Variants in TASOR observed in about 807,000 individuals in gnomAD.
TASOR encodes the protein protein TASOR.
Under a neutral mutation model 178.6 loss-of-function variants are expected in TASOR, and 53 were observed. The ratio of observed to expected loss-of-function variants is 0.30; its 90% CI spans 0.24 to 0.37. The LOEUF is 0.37. Among genes scored for constraint, TASOR ranks in the 10% least tolerant of loss-of-function variants. TASOR has a pLI of 1.00. For synonymous variants in TASOR, 713 were observed against 696.2 expected, an observed-to-expected ratio of 1.02 and a Z score of -0.38; for missense variants, 1,815 against 1,971.4, an observed-to-expected ratio of 0.92 and a Z score of 1.50.
chr3:56,644,724 T>A (rs773687165), intron 14 of TASOR, among the ~76,000 whole-genome samples: 1 of 151,892 alleles, frequency 6.6e-6, no homozygotes, highest in Non-Finnish European at 1.5e-5. Context: ...ACCAAAGAGA[T>A]AAAGAACACA....
At chr3:56,634,054 T>TTCTTTTAG in intron 17 of TASOR, 88 bp from the exon 18 acceptor site, 2 of 1,045,596 alleles carry the variant, frequency 1.9e-6, no homozygotes, top group Non-Finnish European at 2.7e-6. Context: ...AAAAAAGGGT[T>TTCTTTTAG]AACACACATT....
At chr3:56,669,977 T>A (rs1265339708) in intron 4 of TASOR, 96 bp downstream of exon 4, 5 of 941,404 alleles carry the variant, frequency 5.3e-6, no homozygotes, top group South Asian at 1.7e-5. Context: ...TAATAAAGCA[T>A]GAATTTAATA....
At position 56,633,112 on chromosome 3, in the gene TASOR, C is replaced by T. The variant is rs1307352328; in HGVS notation, c.3679G>A (p.Val1227Ile). 3 of 1,611,580 alleles carry T rather than the reference C, an allele frequency of 1.9e-6. No homozygotes were observed. The highest frequency in any genetic ancestry group is 2.5e-6 in the Non-Finnish European group (3 of 1,179,358). The change falls in exon 18 of 24, where the codon GTC (valine) becomes ATC (isoleucine). Residue 1227 changes from valine (V) to isoleucine (I), a missense_variant. This residue lies in a region of TASOR where 655 missense variants were observed against 671.1 expected (regional missense o/e 0.98). Transcript: ENST00000683822. ...FNSLVKIMKDVQKNTVKFYIH... is the reference protein window; with the variant it reads ...FNSLVKIMKDIQKNTVKFYIH... Reference sequence around the variant, plus strand: ...TAAAATTTCACAGTATTTTTCTGGACGTCTTTCATGATTTTAACCAAACTA... The same window carrying T: ...TAAAATTTCACAGTATTTTTCTGGATGTCTTTCATGATTTTAACCAAACTA...
At chr3:56,646,457 T>G in intron 14 of TASOR, 65 bp downstream of exon 14, 1 of 1,357,504 alleles carries the variant, frequency 7.4e-7, no homozygotes, top group Non-Finnish European at 1.0e-6. Flanking sequence ...TATACGCCCC[T>G]CTGCTACAAG....
intron 11 of TASOR, among the ~76,000 whole-genome samples, chr3:56,650,160 A>T (rs2077320535): frequency 6.6e-6 from 1 of 152,224 alleles, no homozygotes; most frequent in Non-Finnish European, 1.5e-5. Context: ...ATGGCAACTG[A>T]ACACAAAAGG....
chr3:56,631,154 T>C (rs1291465861), intron 18 of TASOR, among the ~76,000 whole-genome samples: 1 of 152,194 alleles, frequency 6.6e-6, no homozygotes, highest in African/African-American at 2.4e-5. Flanking sequence ...TTATTTCATT[T>C]TCCCAAGAAA....
At chr3:56,644,936 T>C (rs944177865) in intron 14 of TASOR, among the ~76,000 whole-genome samples, 3 of 152,224 alleles carry the variant, frequency 2.0e-5, no homozygotes, top group African/African-American at 4.8e-5. Flanking sequence ...TAAAAACATA[T>C]GGCTAGTGGC....
intron 14 of TASOR, among the ~76,000 whole-genome samples, chr3:56,643,002 G>A (rs1030168191): frequency 2.6e-5 from 4 of 151,566 alleles, no homozygotes; most frequent in Admixed American, 1.3e-4. Flanking sequence ...ATAGGCTCAC[G>A]CCTGTAATCT....
intron 23 of TASOR, among the ~76,000 whole-genome samples, chr3:56,624,150 A>C (rs2076747704): frequency 6.6e-6 from 1 of 152,154 alleles, no homozygotes. Flanking sequence ...CCTTTTTATT[A>C]ATATAACCCC....
chr3:56,637,705 T>G (rs11719726), intron 17 of TASOR, among the ~76,000 whole-genome samples: 28,097 of 151,898 alleles, frequency 0.18, 3,418 homozygotes, highest in South Asian at 0.4. Flanking sequence ...TACAAAGATG[T>G]AGTCATTTCA....
intron 16 of TASOR, among the ~76,000 whole-genome samples, chr3:56,639,599 C>T (rs116144253): frequency 0.018 from 2,710 of 152,242 alleles, 37 homozygotes; most frequent in South Asian, 0.057. Flanking sequence ...CAGCTTGTTA[C>T]GGTGAAGTTT....
rs375354208 is a variant in TASOR, at chr3:56,624,536, T to C, written c.4426A>G (p.Ile1476Val). 7.9e-5 allele frequency: 128 copies of C among 1,614,044 alleles called. No homozygotes were observed. The highest frequency in any genetic ancestry group is 1.1e-4 in the Non-Finnish European group (127 of 1,180,008). The change falls in exon 23 of 24, where the codon ATC becomes GTC. Residue 1476 changes from isoleucine (I) to valine (V), a missense_variant. Transcript: ENST00000683822. Reference protein sequence around the residue: ...FKNLVGYHNSITEENLPQLGA... With the variant: ...FKNLVGYHNSVTEENLPQLGA... ...AGCTGTGGAAGGTTTTCTTCTGTGA[T>C]TGAATTGTGATAGCCCACAAGATTT... is the stretch of plus-strand genomic sequence containing the variant.
At chr3:56,638,180 C>G (rs2077054008) in intron 17 of TASOR, among the ~76,000 whole-genome samples, 1 of 152,012 alleles carries the variant, frequency 6.6e-6, no homozygotes, top group Admixed American at 6.6e-5. Flanking sequence ...GCCTGGCAAA[C>G]ATGGTGAAAT....
Position 56,668,541 on chromosome 3 carries a change from T to C in TASOR, c.753A>G (p.Ile251Met). 1 of 1,546,060 alleles carries C rather than the reference T, an allele frequency of 6.5e-7. No individual in the cohort carries two copies. The highest frequency in any genetic ancestry group is 8.7e-7 in the Non-Finnish European group (1 of 1,145,370). The stretch of plus-strand genomic sequence containing the variant: ...AACTTTTTACACCCATGGGGTCATA[T>C]ATACTCTTTATTTTACCCTAAAATA... ...FKIMKGKIKS[I>M]YDPMGVKSLE... Residue 251 changes from isoleucine to methionine, a missense_variant, in exon 6 of 24, where the codon ATA becomes ATG. Physicochemically the swap from Ile to Met is conservative, Grantham distance 10. Around this residue, in one of 5 missense-constraint regions of TASOR, gnomAD observed 504 missense variants for 645.3 expected, o/e 0.78. Transcript: ENST00000683822.
rs1431666992 is a variant in TASOR at position 56,663,527 on chromosome 3, CAT to C, written c.1054+12_1054+13del. ...CTTTCCATTTATAAAACTAAAGAAA[CAT>C]AAATCTCTTACCTATGTTTCTATCT... On this transcript the variant is annotated intron_variant, in intron 8 of 23. Coordinates refer to ENST00000683822, the MANE Select transcript of TASOR (RefSeq NM_001365635.2). 14 of 1,105,794 alleles carry C rather than the reference CAT, an allele frequency of 1.3e-5. No homozygotes were observed. The highest frequency in any genetic ancestry group is 1.7e-5 in the Non-Finnish European group (14 of 817,618). The allele number at this position is 1,105,794 out of a possible 1,614,324, so 68.5% of individuals were successfully genotyped here. A position where few individuals can be genotyped will look rare whatever the true frequency, so the allele number is the denominator to read the frequency against.
At chr3:56,639,015 G>A (rs936704148) in intron 16 of TASOR, among the ~76,000 whole-genome samples, 2 of 152,084 alleles carry the variant, frequency 1.3e-5, no homozygotes, top group Non-Finnish European at 2.9e-5. Flanking sequence ...TACTTCTTTT[G>A]TTTCTCCTAC....
intron 1 of TASOR, among the ~76,000 whole-genome samples, chr3:56,678,065 C>T (rs974733494): frequency 3.3e-5 from 5 of 151,584 alleles, no homozygotes; most frequent in Admixed American, 2.0e-4. Context: ...ATAATTCAAA[C>T]GAGGAAACTG....
chr3:56,649,006 A>C lies in TASOR; in HGVS notation c.1420T>G (p.Tyr474Asp). The C allele has an allele frequency of 6.2e-7, 1 of 1,608,596 alleles. No homozygotes were observed. The highest frequency in any genetic ancestry group is 8.5e-7 in the Non-Finnish European group (1 of 1,178,450). Residue 474 changes from tyrosine to aspartate, a missense_variant, in exon 12 of 24, where the codon TAT becomes GAT. Coordinates refer to ENST00000683822, the MANE Select transcript of TASOR (RefSeq NM_001365635.2). ...DRGYLFLLSP[Y>D]QMVPPYEYQT... is the part of the protein sequence containing the mutation. ...CTACCATATGGAGGAACCATCTGAT[A>C]AGGGGAGAGAAGAAAAAGGTATCCT...
intron 14 of TASOR, among the ~76,000 whole-genome samples, chr3:56,644,682 C>T (rs1008388279): frequency 2.2e-5 from 3 of 139,182 alleles, no homozygotes; most frequent in South Asian, 2.2e-4. Flanking sequence ...GATACTGAAA[C>T]GGGTGCAAGA....
Sources: allele counts gnomAD v4.1 joint callset (sites outside exome capture counted in the v4.1 genomes callset), GRCh38; gene constraint gnomAD v4.1.1; regional missense constraint gnomAD v4.1.1; transcripts MANE v1.5; gene names NCBI Gene and HGNC (gene_info 2026-07-23, HGNC 2026-07-21).